Variants in SNTA1 observed in about 807,000 individuals in gnomAD.
SNTA1 encodes the protein alpha-1-syntrophin.
A neutral mutation model predicts 47.1 loss-of-function variants in SNTA1; 31 were observed. The ratio of observed to expected loss-of-function variants is 0.66; its 90% CI spans 0.49 to 0.89. The LOEUF (loss-of-function observed/expected upper bound fraction) is 0.89. Ranked by LOEUF, SNTA1 falls within the 40% of genes least tolerant of loss-of-function variation. The probability of loss-of-function intolerance (pLI) is 0.00; values close to 1 mark genes in which losing one functional copy is unlikely to be tolerated. For missense variants in SNTA1, 575 were observed against 693.0 expected, an observed-to-expected ratio of 0.83 and a Z score of 1.91; for synonymous variants, 300 against 313.6, an observed-to-expected ratio of 0.96 and a Z score of 0.46.
intron 5 of SNTA1, among the ~76,000 whole-genome samples, chr20:33,411,334 C>G (rs575554440): frequency 9.2e-5 from 14 of 152,154 alleles, no homozygotes; most frequent in African/African-American, 3.4e-4. Flanking sequence ...CACCCCCAGT[C>G]CCACGCTCAC....
intron 1 of SNTA1, 93 bp downstream of exon 1, chr20:33,443,218 T>G: frequency 9.8e-7 from 1 of 1,022,374 alleles, no homozygotes; most frequent in South Asian, 1.7e-5. Context: ...ACAGGAAGCC[T>G]CCAGCTCCAT....
intron 2 of SNTA1, among the ~76,000 whole-genome samples, chr20:33,437,546 T>G (rs1990472942): frequency 6.6e-6 from 1 of 152,152 alleles, no homozygotes; most frequent in Non-Finnish European, 1.5e-5. Flanking sequence ...TTATTTTATA[T>G]CTGGGTCAAC....
In SNTA1 at chr20:33,409,522, G is replaced by A. The variant is rs531871778; in HGVS notation, c.1237+613C>T. ...TTACCCAGGCTGGAGTGCAGTGGGC[G>A]CAATCTCGGCTCACCACAACCTCCA... On this transcript the variant is annotated intron_variant, in intron 6 of 7. Coordinates refer to ENST00000217381, the MANE Select transcript of SNTA1 (RefSeq NM_003098.3). Among the ~76,000 whole-genome samples the A allele has an allele frequency of 4.6e-5, 7 of 151,720 alleles. No individual in the cohort carries two copies. The South Asian group carries it at 1.0e-3, about 23-fold the overall frequency.
intron 1 of SNTA1, 53 bp from the exon 2 acceptor site, chr20:33,439,079 G>A: frequency 6.7e-7 from 1 of 1,497,088 alleles, no homozygotes; most frequent in Non-Finnish European, 9.3e-7. Context: ...CAACACTTGG[G>A]AGTCACATCA....
chr20:33,417,224 G>A (rs535298474), intron 3 of SNTA1, among the ~76,000 whole-genome samples: 2 of 152,292 alleles, frequency 1.3e-5, no homozygotes, highest in Admixed American at 6.5e-5. Context: ...TCAACACAGT[G>A]CTGGGTACAC....
intron 2 of SNTA1, among the ~76,000 whole-genome samples, chr20:33,437,559 A>T (rs1419107166): frequency 1.3e-5 from 2 of 152,120 alleles, no homozygotes; most frequent in Non-Finnish European, 2.9e-5. Flanking sequence ...GGGTCAACCA[A>T]GGACCGAGAA....
At chr20:33,424,134 G>A (rs1490543888) in intron 2 of SNTA1, among the ~76,000 whole-genome samples, 2 of 151,964 alleles carry the variant, frequency 1.3e-5, no homozygotes, top group Non-Finnish European at 2.9e-5. Flanking sequence ...GACCAACATG[G>A]TGAAACCCTG....
intron 1 of SNTA1, among the ~76,000 whole-genome samples, chr20:33,441,556 T>C (rs1338617154): frequency 6.6e-6 from 1 of 151,962 alleles, no homozygotes; most frequent in Non-Finnish European, 1.5e-5. Context: ...ATATCTGCCC[T>C]CCCCCACCTG....
intron 1 of SNTA1, among the ~76,000 whole-genome samples, chr20:33,439,979 A>G (rs978370594): frequency 2.0e-5 from 3 of 151,900 alleles, no homozygotes; most frequent in African/African-American, 7.3e-5. Context: ...CAAAAAATTA[A>G]CTGGGCGTGG....
intron 3 of SNTA1, among the ~76,000 whole-genome samples, chr20:33,414,260 A>AAAC (rs1989820169): frequency 7.2e-6 from 1 of 139,852 alleles, no homozygotes; most frequent in African/African-American, 2.7e-5. Context: ...AAAAAAAAAA[A>AAAC]AAAAAAAAAA....
chr20:33,430,052 A>G (rs558937421), intron 2 of SNTA1, among the ~76,000 whole-genome samples: 1 of 152,244 alleles, frequency 6.6e-6, no homozygotes, highest in East Asian at 1.9e-4. Flanking sequence ...TTTTTCAAAA[A>G]TATACCACCA....
chr20:33,435,103 A>G (rs1013161326), intron 2 of SNTA1, among the ~76,000 whole-genome samples: 6 of 142,898 alleles, frequency 4.2e-5, no homozygotes, highest in Admixed American at 7.6e-5. Flanking sequence ...AGATTTTCCT[A>G]CCTCAGCCTC....
rs370782667 is a variant in SNTA1, at chr20:33,418,204, G to A, written c.497-281C>T. ...ATGGTTAATAGACATACAGCCACCT[G>A]GAAGAAAGACTCTATTTCCCAGCCT... On this transcript the variant is annotated intron_variant, in intron 2 of 7. Transcript: ENST00000217381. Among the ~76,000 whole-genome samples the A allele has an allele frequency of 9.9e-5, 15 of 151,370 alleles. No homozygotes were observed. The East Asian group carries it at 1.2e-3, about 12-fold the overall frequency.
chr20:33,415,140 A>G, intron 3 of SNTA1, among the ~76,000 whole-genome samples: 1 of 152,234 alleles, frequency 6.6e-6, no homozygotes, highest in East Asian at 1.9e-4. Flanking sequence ...ATGTGCATAC[A>G]CATACAAATA....
At chr20:33,413,353 T>G (rs1301985748) in intron 3 of SNTA1, among the ~76,000 whole-genome samples, 1 of 151,970 alleles carries the variant, frequency 6.6e-6, no homozygotes, top group Admixed American at 6.6e-5. Context: ...GGTCTCGAAC[T>G]CCTGACCTCA....
intron 2 of SNTA1, among the ~76,000 whole-genome samples, chr20:33,438,285 G>A (rs1200083759): frequency 6.6e-6 from 1 of 152,016 alleles, no homozygotes; most frequent in Non-Finnish European, 1.5e-5. Flanking sequence ...GGACAACAGA[G>A]CAAGATTCCA....
chr20:33,417,759 A>G lies in SNTA1; in HGVS notation c.661T>C (p.Tyr221His). 6.2e-7 allele frequency: 1 copy of G among 1,614,060 alleles called. No homozygotes were observed. The highest frequency in any genetic ancestry group is 8.5e-7 in the Non-Finnish European group (1 of 1,180,002). Residue 221 changes from tyrosine to histidine, a missense_variant, in exon 3 of 8, where the codon TAT becomes CAT. Transcript: ENST00000217381. The stretch of plus-strand genomic sequence containing the variant: ...TTGGGGGTGCACCTCTTCGAGACAT[A>G]TGCCATCTTCAAGGACATGTGTTTG... Reference protein sequence around the residue: ...EAKHMSLKMAYVSKRCTPNDP... With the variant: ...EAKHMSLKMAHVSKRCTPNDP...
chr20:33,442,867 C>T (rs925589329), intron 1 of SNTA1, among the ~76,000 whole-genome samples: 1 of 152,064 alleles, frequency 6.6e-6, no homozygotes, highest in Non-Finnish European at 1.5e-5. Context: ...TCCTATCCAC[C>T]CCTGTGCTTC....
rs1308531452 is a variant in SNTA1, at chr20:33,417,744, ACC to A, written c.674_675del (p.Arg225MetfsTer5). 6 of 1,613,912 alleles carry A rather than the reference ACC, an allele frequency of 3.7e-6. 1 individual carries two copies. The highest frequency in any genetic ancestry group is 5.1e-6 in the Non-Finnish European group (6 of 1,179,996). On this transcript the variant is annotated frameshift_variant, in exon 3 of 8. Coordinates refer to ENST00000217381, the MANE Select transcript of SNTA1 (RefSeq NM_003098.3). LOFTEE classifies it high-confidence loss of function. ...CTGGGCTCCGGGTCATTGGGGGTGC[ACC>A]TCTTCGAGACATATGCCATCTTCAA... ...MSLKMAYVSK[R>X]CTPNDPEPRY...
Sources: allele counts gnomAD v4.1 joint callset (sites outside exome capture counted in the v4.1 genomes callset), GRCh38; gene constraint gnomAD v4.1.1; transcripts MANE v1.5; gene names NCBI Gene and HGNC (gene_info 2026-07-23, HGNC 2026-07-21).